MEGF10: variants seen among roughly 807,000 people sequenced by gnomAD.
The protein encoded by MEGF10 is multiple epidermal growth factor-like domains protein 10.
In MEGF10, 86 loss-of-function variants were observed where a neutral mutation model predicts 147.5. The observed-to-expected ratio is 0.58, with a 90% CI of 0.49 to 0.70. The LOEUF is 0.70. MEGF10 is among the 30% of genes least tolerant of loss of function. The pLI, the probability that MEGF10 is intolerant of heterozygous loss-of-function variation, is 0.00. For missense variants in MEGF10, 1,329 were observed against 1,487.3 expected (o/e 0.89, Z 1.75); for synonymous variants, 478 against 525.5 (o/e 0.91, Z 1.24).
At chr5:127,384,300 C>T (rs891857152) in intron 5 of MEGF10, among the ~76,000 whole-genome samples, 2 of 152,168 alleles carry the variant, frequency 1.3e-5, no homozygotes, top group Non-Finnish European at 2.9e-5. Context: ...AGAGAAGATG[C>T]TTAACAAATC....
intron 4 of MEGF10, among the ~76,000 whole-genome samples, chr5:127,354,282 C>T (rs1020949801): frequency 6.6e-6 from 1 of 152,210 alleles, no homozygotes; most frequent in Non-Finnish European, 1.5e-5. Context: ...TAACCCAGGA[C>T]TCTTTTCCTT....
chr5:127,244,551 C>T, the MEGF10 span, among the ~76,000 whole-genome samples: 29 of 151,890 alleles, frequency 1.9e-4, 1 homozygote, highest in African/African-American at 6.0e-4. Context: ...TGAAAAAAAG[C>T]CATATTCAGG....
the MEGF10 span, among the ~76,000 whole-genome samples, chr5:127,269,398 C>T: frequency 6.6e-6 from 1 of 152,162 alleles, no homozygotes; most frequent in Non-Finnish European, 1.5e-5. Flanking sequence ...CCTTAAATGA[C>T]CTGATTGAGC....
chr5:127,378,213 A>G (rs1014247576), intron 5 of MEGF10, among the ~76,000 whole-genome samples: 2 of 152,190 alleles, frequency 1.3e-5, no homozygotes, highest in African/African-American at 4.8e-5. Context: ...TGCTTTGAAC[A>G]AGGATAAGAA....
At chr5:127,412,996 A>T (rs914026121) in intron 9 of MEGF10, among the ~76,000 whole-genome samples, 1 of 152,070 alleles carries the variant, frequency 6.6e-6, no homozygotes. Context: ...GACCCCCAAC[A>T]TACACTTTTT....
At chr5:127,364,786 A>T (rs565948740) in intron 4 of MEGF10, among the ~76,000 whole-genome samples, 2 of 152,032 alleles carry the variant, frequency 1.3e-5, no homozygotes, top group Non-Finnish European at 2.9e-5. Flanking sequence ...ACTCCTGGCC[A>T]TCTAGTACAC....
intron 13 of MEGF10, among the ~76,000 whole-genome samples, chr5:127,427,851 C>T (rs1168013772): frequency 6.6e-6 from 1 of 152,158 alleles, no homozygotes; most frequent in Non-Finnish European, 1.5e-5. Context: ...ATTAACATGC[C>T]TGCACCCAAT....
chr5:127,362,902 T>G (rs1392988923), intron 4 of MEGF10, among the ~76,000 whole-genome samples: 2 of 152,224 alleles, frequency 1.3e-5, no homozygotes, highest in African/African-American at 4.8e-5. Context: ...CTATTTTATC[T>G]TCTTCATTGG....
At chr5:127,289,881 G>C (rs563348241), upstream of MEGF10, among the ~76,000 whole-genome samples, 143 of 152,232 alleles carry the variant, frequency 9.4e-4, 1 homozygote, top group Middle Eastern at 0.01. Context: ...TTTGTGGGGA[G>C]AGGGGGATAG....
intron 5 of MEGF10, among the ~76,000 whole-genome samples, chr5:127,372,186 G>C (rs1762872961): frequency 6.6e-6 from 1 of 152,166 alleles, no homozygotes; most frequent in Non-Finnish European, 1.5e-5. Flanking sequence ...GCATCAATTT[G>C]ATGGTGGACA....
the MEGF10 span, among the ~76,000 whole-genome samples, chr5:127,247,630 G>A: frequency 6.6e-6 from 1 of 152,172 alleles, no homozygotes; most frequent in East Asian, 1.9e-4. Context: ...AATATGTAAA[G>A]TGACCATTTT....
At chr5:127,343,739 C>CT (rs1761770950) in intron 4 of MEGF10, among the ~76,000 whole-genome samples, 1 of 151,952 alleles carries the variant, frequency 6.6e-6, no homozygotes, top group Admixed American at 6.6e-5. Context: ...TCCGTTGAGC[C>CT]CAGGCATTCG....
intron 12 of MEGF10, among the ~76,000 whole-genome samples, chr5:127,421,630 G>T (rs1022479390): frequency 6.6e-6 from 1 of 152,162 alleles, no homozygotes; most frequent in Non-Finnish European, 1.5e-5. Flanking sequence ...ATCTGGAAGG[G>T]GAGGAGCAAG....
chr5:127,312,858 G>T lies in MEGF10; in HGVS notation c.-18-18433G>T, dbSNP rs189289359. Among the ~76,000 whole-genome samples the T allele has an allele frequency of 5.0e-3, 760 of 152,174 alleles. 1 individual carries two copies. Among genetic ancestry groups the T allele is most frequent in the African/African-American group, 0.017 (723 of 41,512 alleles). On this transcript the variant is annotated intron_variant, in intron 1 of 24. Transcript: ENST00000503335. ...ATCTTAGAAAGGTTTCAGATAACCT[G>T]AAACCATGGTAAATTACCATATTTT...
chr5:127,246,666 G>GT, the MEGF10 span, among the ~76,000 whole-genome samples: 3 of 150,086 alleles, frequency 2.0e-5, no homozygotes, highest in East Asian at 5.8e-4. Context: ...TTGTAATGTG[G>GT]TTGTGAAACT....
At chr5:127,266,787 G>A in the MEGF10 span, among the ~76,000 whole-genome samples, 62,049 of 151,976 alleles carry the variant, frequency 0.41, 13,050 homozygotes, top group Middle Eastern at 0.54. Context: ...CTGAGACTTC[G>A]CTGAAGTTGC....
rs530709223 is a variant in MEGF10 at position 127,449,353 on chromosome 5, C to G, written c.2980+131C>G. The G allele has an allele frequency of 2.4e-5, 29 of 1,223,374 alleles. 1 individual carries two copies. In the South Asian group the frequency reaches 4.1e-4, roughly 17 times the overall value. 75.8% of individuals were successfully genotyped at this position (1,223,374 alleles called of 1,614,324 possible). A position where few individuals can be genotyped will look rare whatever the true frequency, so the allele number is the denominator to read the frequency against. ...AAAAAGCACAATAGCAGAATTATGCCTAACACCTGTACAGGGCTATCTACT... is the reference window on the plus strand; with the variant it reads ...AAAAAGCACAATAGCAGAATTATGCGTAACACCTGTACAGGGCTATCTACT... On this transcript the variant is annotated intron_variant, in intron 22 of 24. Coordinates refer to ENST00000503335, the MANE Select transcript of MEGF10 (RefSeq NM_001256545.2).
the MEGF10 span, among the ~76,000 whole-genome samples, chr5:127,239,686 C>T: frequency 2.0e-5 from 3 of 151,722 alleles, no homozygotes; most frequent in African/African-American, 7.3e-5. Flanking sequence ...CAAGATTAGG[C>T]CAGCATTGAT....
At chr5:127,238,411 A>C in the MEGF10 span, among the ~76,000 whole-genome samples, 1 of 152,120 alleles carries the variant, frequency 6.6e-6, no homozygotes, top group Non-Finnish European at 1.5e-5. Flanking sequence ...TAGTCAACAC[A>C]TGGAGGTTAG....
Sources: allele counts gnomAD v4.1 joint callset (sites outside exome capture counted in the v4.1 genomes callset), GRCh38; gene constraint gnomAD v4.1.1; transcripts MANE v1.5; gene names NCBI Gene and HGNC (gene_info 2026-07-23, HGNC 2026-07-21).